The following DNAH6 variants were observed in gnomAD, a reference collection of about 807,000 sequenced individuals.
The protein encoded by DNAH6 is axonemal beta dynein heavy chain 6.
Under a neutral mutation model 491.4 loss-of-function variants are expected in DNAH6, and 340 were observed. The ratio of observed to expected loss-of-function variants is 0.69; its 90% CI spans 0.63 to 0.76. The LOEUF (loss-of-function observed/expected upper bound fraction) is 0.76. Among genes scored for constraint, DNAH6 ranks in the 30% least tolerant of loss-of-function variants. The pLI, the probability that DNAH6 is intolerant of heterozygous loss-of-function variation, is 0.00. For synonymous variants in DNAH6, 1,603 were observed against 1,686.1 expected, an observed-to-expected ratio of 0.95 and a Z score of 1.21; for missense variants, 4,443 against 4,972.2, an observed-to-expected ratio of 0.89 and a Z score of 3.20.
At chr2:84,684,445 T>G (rs998354699) in intron 42 of DNAH6, among the ~76,000 whole-genome samples, 2 of 152,222 alleles carry the variant, frequency 1.3e-5, no homozygotes, top group African/African-American at 2.4e-5. Flanking sequence ...TTTCTGCATT[T>G]CATCAAAAGT....
At position 84,607,184 on chromosome 2, in the gene DNAH6, A is replaced by G. The variant is rs994060454; in HGVS notation, c.3294+89A>G. ...TTATTTGTTTCATTATTTAAATATT[A>G]TATGGTTTTAAAATGTAAGTTTTAA... On this transcript the variant is annotated intron_variant, in intron 21 of 76. Coordinates refer to ENST00000389394, the MANE Select transcript of DNAH6 (RefSeq NM_001370.2). The G allele has an allele frequency of 4.7e-6, 6 of 1,288,014 alleles. No individual in the cohort carries two copies. In the South Asian group the frequency reaches 5.8e-5, roughly 12 times the overall value. The allele number at this position is 1,288,014 out of a possible 1,614,324, so 79.8% of individuals were successfully genotyped here.
At chr2:84,650,806 G>C (rs2104552070) in intron 33 of DNAH6, among the ~76,000 whole-genome samples, 1 of 152,260 alleles carries the variant, frequency 6.6e-6, no homozygotes. Flanking sequence ...TCTTAGTTCA[G>C]TTTGAGATCT....
chr2:84,770,720 C>T (rs1189128506), intron 64 of DNAH6, among the ~76,000 whole-genome samples: 1 of 152,072 alleles, frequency 6.6e-6, no homozygotes, highest in Non-Finnish European at 1.5e-5. Context: ...TAGTGGCTCA[C>T]ACCTGTAACC....
At chr2:84,747,115 T>A (rs1673042664) in intron 63 of DNAH6, among the ~76,000 whole-genome samples, 1 of 152,138 alleles carries the variant, frequency 6.6e-6, no homozygotes, top group South Asian at 2.1e-4. Context: ...AACTATATTA[T>A]TCCACTCCTG....
chr2:84,584,002 G>C lies in DNAH6; in HGVS notation c.2233G>C (p.Glu745Gln). The C allele has an allele frequency of 6.2e-7, 1 of 1,612,568 alleles. No individual in the cohort carries two copies. ...AGCAAACTATGTTTCCATTTAGATTGAAAGCCTTGAAGATGAGGGGAATAT... is the reference window on the plus strand; with the variant it reads ...AGCAAACTATGTTTCCATTTAGATTCAAAGCCTTGAAGATGAGGGGAATAT... Reference protein sequence around the residue: ...LFLDEIQERIESLEDEGNIVT... With the variant: ...LFLDEIQERIQSLEDEGNIVT... The change falls in exon 15 of 77, where the codon GAA becomes CAA. Residue 745 changes from glutamate to glutamine, a missense_variant. Transcript: ENST00000389394.
chr2:84,497,003 C>T, the DNAH6 span, among the ~76,000 whole-genome samples: 1 of 142,418 alleles, frequency 7.0e-6, no homozygotes, highest in Non-Finnish European at 1.5e-5. Context: ...CGGAATCTCG[C>T]TCTGTCACCC....
chr2:84,784,698 T>G, intron 65 of DNAH6, 24 bp from the exon 66 acceptor site: 2 of 1,480,228 alleles, frequency 1.4e-6, no homozygotes, highest in Non-Finnish European at 1.8e-6. Context: ...TCCTTTTTTG[T>G]TGTTTTATCT....
chr2:84,744,815 C>T (rs975876490), intron 62 of DNAH6, among the ~76,000 whole-genome samples: 3 of 152,100 alleles, frequency 2.0e-5, no homozygotes, highest in Non-Finnish European at 4.4e-5. Context: ...GCTTAAGTAT[C>T]TCTATGCATC....
chr2:84,518,053 TA>T lies in DNAH6; in HGVS notation c.225+4del, dbSNP rs1290107852. On this transcript the variant is annotated splice_donor_region_variant and intron_variant, in intron 2 of 76. Coordinates refer to ENST00000389394, the MANE Select transcript of DNAH6 (RefSeq NM_001370.2). ...CAGCCTATAAAACTAGAGCCTTTGG[TA>T]AGTTCAAAAACCATTGTTTTAGCCT... 6.5e-7 allele frequency: 1 copy of T among 1,540,416 alleles called. No homozygotes were observed. The highest frequency in any genetic ancestry group is 1.2e-5 in the South Asian group (1 of 80,880).
chr2:84,633,285 C>T (rs750951816), intron 29 of DNAH6, among the ~76,000 whole-genome samples: 1 of 152,128 alleles, frequency 6.6e-6, no homozygotes. Flanking sequence ...AGCCTAATAT[C>T]GTCTCCCAGT....
chr2:84,524,895 A>C (rs725005), intron 2 of DNAH6, among the ~76,000 whole-genome samples: 10,376 of 152,054 alleles, frequency 0.068, 1,155 homozygotes, highest in African/African-American at 0.24. Flanking sequence ...TCCTTTCTTC[A>C]GTGAGTGGCT....
chr2:84,812,320 A>G, intron 72 of DNAH6, 21 bp from the exon 73 acceptor site: 1 of 1,548,396 alleles, frequency 6.5e-7, no homozygotes, highest in Non-Finnish European at 8.7e-7. Context: ...AAGGCCACCA[A>G]CCCCTTTTTT....
intron 62 of DNAH6, among the ~76,000 whole-genome samples, chr2:84,736,872 G>A (rs570782645): frequency 6.6e-6 from 1 of 152,218 alleles, no homozygotes; most frequent in South Asian, 2.1e-4. Context: ...ATATTGAATA[G>A]GAGTGGTGAG....
At chr2:84,601,050 A>C (rs1040529592) in intron 18 of DNAH6, among the ~76,000 whole-genome samples, 2 of 147,184 alleles carry the variant, frequency 1.4e-5, no homozygotes, top group African/African-American at 2.5e-5. Context: ...TATAATAATA[A>C]TGTTATTATT....
chr2:84,728,519 GGA>G (rs1698853362), intron 61 of DNAH6, among the ~76,000 whole-genome samples: 3 of 152,156 alleles, frequency 2.0e-5, no homozygotes, highest in African/African-American at 7.2e-5. Flanking sequence ...AGGAATGTTG[GGA>G]GTAACCAATA....
At chr2:84,633,403 G>A (rs1195463674) in intron 29 of DNAH6, among the ~76,000 whole-genome samples, 1 of 152,026 alleles carries the variant, frequency 6.6e-6, no homozygotes, top group Non-Finnish European at 1.5e-5. Context: ...CAAGAGCCCT[G>A]TTTAGTCTGC....
intron 11 of DNAH6, among the ~76,000 whole-genome samples, chr2:84,566,587 AT>A (rs1041780602): frequency 2.0e-5 from 3 of 151,896 alleles, no homozygotes; most frequent in Admixed American, 2.0e-4. Context: ...CATGATAAAG[AT>A]TTTTTTTCTC....
chr2:84,603,788 T>G (rs1466588553), intron 18 of DNAH6, among the ~76,000 whole-genome samples: 4 of 152,154 alleles, frequency 2.6e-5, no homozygotes, highest in Non-Finnish European at 5.9e-5. Context: ...TTGTTACTCT[T>G]TTCCCTGTAC....
At chr2:84,733,949 G>A (rs1699321903) in intron 62 of DNAH6, among the ~76,000 whole-genome samples, 1 of 151,410 alleles carries the variant, frequency 6.6e-6, no homozygotes, top group Non-Finnish European at 1.5e-5. Flanking sequence ...AGTTTGATTA[G>A]CTATCACAAA....
Sources: allele counts gnomAD v4.1 joint callset (sites outside exome capture counted in the v4.1 genomes callset), GRCh38; gene constraint gnomAD v4.1.1; transcripts MANE v1.5; gene names NCBI Gene and HGNC (gene_info 2026-07-23, HGNC 2026-07-21).